CCDC102B: variants seen among roughly 807,000 people sequenced by gnomAD.
The protein encoded by CCDC102B is coiled-coil domain-containing protein 102B.
CCDC102B carries 75 observed loss-of-function variants against 57.4 expected under a neutral mutation model. The observed-to-expected ratio is 1.31, with a 90% CI of 1.08 to 1.58. CCDC102B has a LOEUF of 1.58. CCDC102B is among the 40% of genes most tolerant of loss of function. The pLI, the probability that CCDC102B is intolerant of heterozygous loss-of-function variation, is 0.00. For synonymous variants in CCDC102B, 206 were observed against 201.9 expected, an observed-to-expected ratio of 1.02 and a Z score of -0.17; for missense variants, 636 against 582.6, an observed-to-expected ratio of 1.09 and a Z score of -0.94.
intron 4 of CCDC102B, among the ~76,000 whole-genome samples, chr18:68,868,058 T>C (rs1327444230): frequency 6.6e-6 from 1 of 152,136 alleles, no homozygotes; most frequent in African/African-American, 2.4e-5. Context: ...CTCAATGATA[T>C]TTCCTCTTAT....
At chr18:68,916,399 G>C (rs2041075114) in intron 6 of CCDC102B, among the ~76,000 whole-genome samples, 2 of 152,204 alleles carry the variant, frequency 1.3e-5, no homozygotes, top group Non-Finnish European at 2.9e-5. Context: ...AGCTGAGAGT[G>C]AGAAAGTTTC....
chr18:68,742,922 T>C (rs931243634), intron 2 of CCDC102B, among the ~76,000 whole-genome samples: 1 of 152,204 alleles, frequency 6.6e-6, no homozygotes, highest in Non-Finnish European at 1.5e-5. Context: ...GATGCCTGGA[T>C]GTCTGGCTTT....
Position 68,790,145 on chromosome 18 carries a change from G to T in CCDC102B, c.-66-33221G>T, listed in dbSNP as rs1054381938. ...GTGCCTCCCAGTTAGGCTGCTCAGG[G>T]GTCAGGGGTCAGGGACCCACTTGAG... On this transcript the variant is annotated intron_variant, in intron 2 of 3. Transcript: ENST00000578970. Among the ~76,000 whole-genome samples the T allele has an allele frequency of 5.3e-5, 8 of 150,638 alleles. 1 individual carries two copies. Among genetic ancestry groups the T allele is most frequent in the African/African-American group, 1.5e-4 (6 of 40,248 alleles).
At chr18:68,916,947 C>T (rs1197172778) in intron 6 of CCDC102B, among the ~76,000 whole-genome samples, 1 of 152,090 alleles carries the variant, frequency 6.6e-6, no homozygotes, top group East Asian at 1.9e-4. Flanking sequence ...GCCAATGTGA[C>T]TAGAGTGAGT....
At position 68,721,055 on chromosome 18, in the gene CCDC102B, C is replaced by A. The variant is rs1294192805; in HGVS notation, c.-67+4461C>A. ...CACCCCTGCCCTCCAGCCTGTGGGA[C>A]AGACAGACACCTTTAAATAAAAGAC... is the stretch of plus-strand genomic sequence containing the variant. On this transcript the variant is annotated intron_variant, in intron 2 of 3. Coordinates refer to the CCDC102B transcript ENST00000578970. 9 of 152,314 alleles carry A rather than the reference C, an allele frequency of 5.9e-5. No individual in the cohort carries two copies. The East Asian group carries it at 1.7e-3, about 29-fold the overall frequency. 9.4% of individuals were successfully genotyped at this position (152,314 alleles called of 1,614,324 possible). A position where few individuals can be genotyped will look rare whatever the true frequency, so the allele number is the denominator to read the frequency against.
At chr18:68,792,993 C>T (rs60614238) in intron 2 of CCDC102B, among the ~76,000 whole-genome samples, 1 of 152,084 alleles carries the variant, frequency 6.6e-6, no homozygotes, top group African/African-American at 2.4e-5. Flanking sequence ...ATAAGATTCA[C>T]TTATTGTCAT....
intron 5 of CCDC102B, among the ~76,000 whole-genome samples, chr18:68,884,809 A>G (rs1162663030): frequency 6.6e-6 from 1 of 150,742 alleles, no homozygotes; most frequent in Non-Finnish European, 1.5e-5. Flanking sequence ...TGAGAAATAC[A>G]TGGTAACAGA....
chr18:68,845,865 A>AT (rs200389466), intron 3 of CCDC102B, among the ~76,000 whole-genome samples: 1,778 of 151,904 alleles, frequency 0.012, 35 homozygotes, highest in African/African-American at 0.041. Flanking sequence ...GTAAATGACT[A>AT]TTTTTTAAGA....
At chr18:68,802,791 C>T (rs920899393) in intron 1 of CCDC102B, among the ~76,000 whole-genome samples, 3 of 152,140 alleles carry the variant, frequency 2.0e-5, no homozygotes, top group Non-Finnish European at 4.4e-5. Flanking sequence ...AAAACGATAT[C>T]AGAAGTAGAA....
intron 2 of CCDC102B, among the ~76,000 whole-genome samples, chr18:68,730,434 A>G (rs1209227284): frequency 6.6e-6 from 1 of 152,154 alleles, no homozygotes; most frequent in African/African-American, 2.4e-5. Context: ...CAAGAGGATC[A>G]CTTAGATACT....
chr18:68,830,303 A>G (rs1346126915), intron 1 of CCDC102B, among the ~76,000 whole-genome samples: 2 of 151,998 alleles, frequency 1.3e-5, no homozygotes, highest in African/African-American at 2.4e-5. Flanking sequence ...CACCATGTCT[A>G]TTAGCCACCT....
chr18:68,977,893 ATGGAGACGC>A (rs1434752585), intron 6 of CCDC102B, among the ~76,000 whole-genome samples: 1 of 151,994 alleles, frequency 6.6e-6, no homozygotes. Flanking sequence ...ATCAGCCCAT[ATGGAGACGC>A]TGAACACAGT....
downstream of CCDC102B, chr18:69,055,244 C>G (rs2052796620): frequency 1.3e-6 from 1 of 760,816 alleles, no homozygotes; most frequent in African/African-American, 1.9e-5. Flanking sequence ...CCCTGTTTCT[C>G]TCCCAAACAT....
At chr18:68,908,992 G>A (rs902387389) in intron 6 of CCDC102B, among the ~76,000 whole-genome samples, 2 of 151,732 alleles carry the variant, frequency 1.3e-5, no homozygotes, top group African/African-American at 4.8e-5. Context: ...GTAATGATTG[G>A]TAATTTAACT....
chr18:68,715,660 A>G (rs955970729), intron 1 of CCDC102B: 1 of 152,222 alleles, frequency 6.6e-6, no homozygotes, highest in African/African-American at 2.4e-5. Flanking sequence ...GAGAACATGA[A>G]GTTAAGCGTA....
intron 6 of CCDC102B, among the ~76,000 whole-genome samples, chr18:68,910,261 C>G (rs1370016424): frequency 6.6e-6 from 1 of 152,146 alleles, no homozygotes; most frequent in Non-Finnish European, 1.5e-5. Context: ...CCACTGCACT[C>G]CAGCCTGGGC....
At chr18:68,944,635 T>C (rs1944026412) in intron 6 of CCDC102B, among the ~76,000 whole-genome samples, 1 of 40,396 alleles carries the variant, frequency 2.5e-5, no homozygotes, top group Non-Finnish European at 4.9e-5. Flanking sequence ...ACCATCAAAC[T>C]GGTGATTAGG....
Position 68,731,654 on chromosome 18 carries a change from G to T in CCDC102B, c.-67+15060G>T, listed in dbSNP as rs1018618001. ...TATATAATATAATATAAACAATTTT[G>T]TATATGTATGTATACATATATGATA... is the stretch of plus-strand genomic sequence containing the variant. On this transcript the variant is annotated intron_variant, in intron 2 of 3. Coordinates refer to the CCDC102B transcript ENST00000578970. 2.0e-5 allele frequency among the ~76,000 whole-genome samples: 3 copies of T among 150,122 alleles called. 1 individual carries two copies. Among genetic ancestry groups the T allele is most frequent in the Admixed American group, 2.0e-4 (3 of 15,024 alleles).
chr18:69,025,678 A>G (rs2051968600), intron 7 of CCDC102B, among the ~76,000 whole-genome samples: 1 of 152,208 alleles, frequency 6.6e-6, no homozygotes, highest in Non-Finnish European at 1.5e-5. Context: ...AGCTCCGGAA[A>G]GGGAAAAATA....
Sources: allele counts gnomAD v4.1 joint callset (sites outside exome capture counted in the v4.1 genomes callset), GRCh38; gene constraint gnomAD v4.1.1; transcripts MANE v1.5; gene names NCBI Gene and HGNC (gene_info 2026-07-23, HGNC 2026-07-21).